Variants in XKR4 observed in about 807,000 individuals in gnomAD.
XKR4 encodes XK-related protein 4.
XKR4 carries 12 observed loss-of-function variants against 53.9 expected under a neutral mutation model. That is an observed-to-expected ratio of 0.22 (90% CI 0.14 to 0.36). The LOEUF (loss-of-function observed/expected upper bound fraction) is 0.36, where lower values mean the gene tolerates loss of function less well. Among genes scored for constraint, XKR4 ranks in the 10% least tolerant of loss-of-function variants. XKR4 has a pLI of 1.00. For missense variants in XKR4, 799 were observed against 859.5 expected (o/e 0.93, Z 0.88); for synonymous variants, 354 against 362.4 (o/e 0.98, Z 0.26).
chr8:55,213,133 T>G (rs1431490650), intron 1 of XKR4, among the ~76,000 whole-genome samples: 1 of 152,218 alleles, frequency 6.6e-6, no homozygotes, highest in East Asian at 1.9e-4. Context: ...TTTCTGAGAA[T>G]GCAGCTAAGC....
At chr8:55,371,295 T>C (rs766283288) in intron 2 of XKR4, among the ~76,000 whole-genome samples, 3 of 151,998 alleles carry the variant, frequency 2.0e-5, no homozygotes, top group Non-Finnish European at 4.4e-5. Flanking sequence ...TATGTGCCCG[T>C]GTCTGTGCAG....
chr8:55,406,290 A>G (rs1001974469), intron 2 of XKR4, among the ~76,000 whole-genome samples: 4 of 152,146 alleles, frequency 2.6e-5, no homozygotes, highest in African/African-American at 9.7e-5. Context: ...TTTCCATTCC[A>G]TATCAGAAAT....
chr8:55,103,504 A>G (rs941485112), intron 1 of XKR4, among the ~76,000 whole-genome samples: 2 of 152,060 alleles, frequency 1.3e-5, no homozygotes, highest in Non-Finnish European at 2.9e-5. Context: ...CAAGGGAAGG[A>G]CAGCAAAGTG....
At chr8:55,493,558 G>A (rs1806300653) in intron 2 of XKR4, among the ~76,000 whole-genome samples, 1 of 152,232 alleles carries the variant, frequency 6.6e-6, no homozygotes, top group South Asian at 2.1e-4. Context: ...GTGGCTTAGG[G>A]AAGAGTATAA....
chr8:55,445,159 G>T lies in XKR4; in HGVS notation c.1007-78122G>T, dbSNP rs184057951. ...TGCAAGCTCCGCCTCCCGGGTTCAT[G>T]CCATTCTCCTGCCTCAGCCTCCCTA... is the stretch of plus-strand genomic sequence containing the variant. On this transcript the variant is annotated intron_variant, in intron 2 of 2. Transcript: ENST00000327381. Among the ~76,000 whole-genome samples the T allele has an allele frequency of 8.5e-3, 1,291 of 152,298 alleles. 11 individuals are homozygous for T. Among genetic ancestry groups the T allele is most frequent in the Non-Finnish European group, 0.013 (861 of 68,028 alleles).
chr8:55,504,379 AT>A (rs61549013), intron 2 of XKR4, among the ~76,000 whole-genome samples: 2,553 of 140,888 alleles, frequency 0.018, 42 homozygotes, highest in African/African-American at 0.05. Context: ...CACCTGGCTA[AT>A]TTTTTTTTTT....
At chr8:55,365,045 G>C (rs1336393262) in intron 2 of XKR4, among the ~76,000 whole-genome samples, 1 of 152,240 alleles carries the variant, frequency 6.6e-6, no homozygotes, top group African/African-American at 2.4e-5. Flanking sequence ...GTGTGAAAGA[G>C]AGTTGTTTCT....
At chr8:55,520,242 T>G (rs1029612008) in intron 2 of XKR4, among the ~76,000 whole-genome samples, 1 of 152,260 alleles carries the variant, frequency 6.6e-6, no homozygotes, top group Non-Finnish European at 1.5e-5. Context: ...CTGTTCAGCA[T>G]ATATTTGTCT....
intron 2 of XKR4, among the ~76,000 whole-genome samples, chr8:55,394,234 C>A (rs2975947): frequency 0.1 from 15,527 of 151,980 alleles, 1,569 homozygotes; most frequent in African/African-American, 0.26. Flanking sequence ...TATGCGCTAT[C>A]GATATAAGAA....
At chr8:55,121,574 G>T (rs555028821) in intron 1 of XKR4, among the ~76,000 whole-genome samples, 1 of 152,204 alleles carries the variant, frequency 6.6e-6, no homozygotes, top group Admixed American at 6.5e-5. Context: ...TACTGTAAAA[G>T]ATTGTATTTA....
At chr8:55,169,476 C>T (rs1459022059) in intron 1 of XKR4, among the ~76,000 whole-genome samples, 1 of 152,186 alleles carries the variant, frequency 6.6e-6, no homozygotes, top group Non-Finnish European at 1.5e-5. Context: ...AATGTTTTCT[C>T]CAGGTCCTGT....
chr8:55,455,390 G>C (rs1284850767), intron 2 of XKR4, among the ~76,000 whole-genome samples: 6 of 152,136 alleles, frequency 3.9e-5, no homozygotes, highest in Non-Finnish European at 7.4e-5. Context: ...TCTTCGCAAA[G>C]ACTACCTCCA....
chr8:55,196,203 T>A (rs11990392), intron 1 of XKR4, among the ~76,000 whole-genome samples: 1 of 141,764 alleles, frequency 7.1e-6, no homozygotes, highest in African/African-American at 2.6e-5. Context: ...TTTGTTGAGA[T>A]GGAGTTTCGC....
At chr8:55,197,574 C>T (rs189041446) in intron 1 of XKR4, among the ~76,000 whole-genome samples, 172 of 148,490 alleles carry the variant, frequency 1.2e-3, no homozygotes, top group Non-Finnish European at 2.1e-3. Flanking sequence ...GACAGAGTCT[C>T]GCTCTGTCAC....
chr8:55,404,077 T>A (rs1804651229), intron 2 of XKR4, among the ~76,000 whole-genome samples: 2 of 152,224 alleles, frequency 1.3e-5, no homozygotes, highest in Admixed American at 1.3e-4. Flanking sequence ...AGTCTACATG[T>A]AGATGTGTAT....
In XKR4 at chr8:55,348,670, GGAGA is replaced by G. The variant is rs1458392941; in HGVS notation, c.807-9001_807-8998del. On this transcript the variant is annotated intron_variant, in intron 1 of 2. Coordinates refer to ENST00000327381, the MANE Select transcript of XKR4 (RefSeq NM_052898.2). ...GATAATGGATAGGTAGATGATAGAGGGAGAGAGAGACAGACAAACATACACACAC... is the reference window on the plus strand; with the variant it reads ...GATAATGGATAGGTAGATGATAGAGGGAGAGACAGACAAACATACACACAC... Among the ~76,000 whole-genome samples, 164 of 140,624 alleles carry G rather than the reference GGAGA, an allele frequency of 1.2e-3. 2 individuals are homozygous for G. Among genetic ancestry groups the G allele is most frequent in the Non-Finnish European group, 1.9e-3 (123 of 65,196 alleles). 92.3% of individuals were successfully genotyped at this position (140,624 alleles called of 152,430 possible).
chr8:55,213,966 A>G (rs1030626023), intron 1 of XKR4, among the ~76,000 whole-genome samples: 2 of 144,316 alleles, frequency 1.4e-5, no homozygotes, highest in Non-Finnish European at 3.0e-5. Context: ...GGCTCAAGCA[A>G]TTCTCCTGTT....
chr8:55,195,855 C>T (rs1461851298), intron 1 of XKR4, among the ~76,000 whole-genome samples: 1 of 152,178 alleles, frequency 6.6e-6, no homozygotes, highest in Non-Finnish European at 1.5e-5. Flanking sequence ...GGTATTTTCA[C>T]ATTTTACCAA....
chr8:55,404,307 A>T (rs555836717), intron 2 of XKR4, among the ~76,000 whole-genome samples: 1 of 152,188 alleles, frequency 6.6e-6, no homozygotes. Context: ...AGATAATCAC[A>T]TGACACATAG....
Sources: gnomAD v4.1 joint callset for allele counts (sites outside exome capture counted in the v4.1 genomes callset) on GRCh38, gnomAD v4.1.1 for gene constraint, MANE v1.5 for transcripts, NCBI Gene and HGNC (gene_info 2026-07-23, HGNC 2026-07-21) for gene names.